The following HNF4A variants were observed in gnomAD, a reference collection of about 807,000 sequenced individuals.
The protein encoded by HNF4A is hepatocyte nuclear factor 4-alpha.
HNF4A carries 15 observed loss-of-function variants against 52.4 expected under a neutral mutation model. The observed-to-expected ratio is 0.29, with a 90% confidence interval of 0.19 to 0.44. The LOEUF (loss-of-function observed/expected upper bound fraction) is 0.44, where lower values mean the gene tolerates loss of function less well. Among genes scored for constraint, HNF4A ranks in the 20% least tolerant of loss-of-function variants. HNF4A has a pLI of 1.00. For synonymous variants in HNF4A, 280 were observed against 264.4 expected (o/e 1.06, Z -0.57); for missense variants, 479 against 647.2 (o/e 0.74, Z 2.82).
Position 44,413,695 on chromosome 20 carries a change from C to G in HNF4A, c.387C>G (p.Ala129=). ...TCACCTCTCTGTGCCTCCTCACAGC[C>G]GTCCAGAATGAGCGGGACCGGATCA... is the stretch of plus-strand genomic sequence containing the variant. The change falls in exon 4 of 10, where the codon GCC becomes GCG. Residue 129 remains alanine (A), a splice_region_variant and synonymous_variant. Coordinates refer to ENST00000316099, the MANE Select transcript of HNF4A (RefSeq NM_000457.6). 6.2e-7 allele frequency: 1 copy of G among 1,612,934 alleles called. No individual in the cohort carries two copies. The highest frequency in any genetic ancestry group is 8.5e-7 in the Non-Finnish European group (1 of 1,179,246).
At chr20:44,403,938 T>A (rs1357014186) in intron 1 of HNF4A, among the ~76,000 whole-genome samples, 1 of 151,888 alleles carries the variant, frequency 6.6e-6, no homozygotes, top group Non-Finnish European at 1.5e-5. Context: ...GGGGGTCAGC[T>A]CTCCCCGGGG....
At chr20:44,357,600 T>G (rs1055334527) in intron 1 of HNF4A, among the ~76,000 whole-genome samples, 1 of 152,128 alleles carries the variant, frequency 6.6e-6, no homozygotes, top group Non-Finnish European at 1.5e-5. Context: ...CTCTGCACCT[T>G]GTAGGATGTC....
At chr20:44,390,256 G>T (rs2063285469) in intron 1 of HNF4A, among the ~76,000 whole-genome samples, 3 of 152,152 alleles carry the variant, frequency 2.0e-5, no homozygotes, top group Admixed American at 2.0e-4. Flanking sequence ...CTCTCCCTGT[G>T]AATATGGCTC....
At chr20:44,405,753 G>T (rs964013015) in intron 1 of HNF4A, among the ~76,000 whole-genome samples, 2 of 152,160 alleles carry the variant, frequency 1.3e-5, no homozygotes, top group African/African-American at 4.8e-5. Flanking sequence ...TTAGGAGGCC[G>T]GCTCCCACCC....
chr20:44,404,162 T>C (rs531582140), intron 1 of HNF4A, among the ~76,000 whole-genome samples: 1 of 152,272 alleles, frequency 6.6e-6, no homozygotes, highest in South Asian at 2.1e-4. Flanking sequence ...AGTTTTTATT[T>C]CATGAACACT....
chr20:44,413,663 T>C (rs2063617899), intron 3 of HNF4A, 31 bp from the exon 4 acceptor site: 10 of 1,540,366 alleles, frequency 6.5e-6, no homozygotes, highest in Non-Finnish European at 8.1e-6. Flanking sequence ...ATCCCTGTTC[T>C]CCCTCCTCAC....
chr20:44,404,981 A>T (rs993246636), intron 1 of HNF4A, among the ~76,000 whole-genome samples: 2 of 8,996 alleles, frequency 2.2e-4, no homozygotes, highest in Admixed American at 9.7e-4. Flanking sequence ...GTGGTGTGTA[A>T]GGTGTGTGTG....
At chr20:44,412,610 G>T (rs1033248345) in intron 3 of HNF4A, among the ~76,000 whole-genome samples, 1 of 152,094 alleles carries the variant, frequency 6.6e-6, no homozygotes, top group Non-Finnish European at 1.5e-5. Flanking sequence ...GACTTGAACG[G>T]ATCCCTCTGT....
chr20:44,373,317 C>T lies in HNF4A; in HGVS notation c.49+17464C>T, dbSNP rs372420416. Among the ~76,000 whole-genome samples, 8 of 151,968 alleles carry T rather than the reference C, an allele frequency of 5.3e-5. No homozygotes were observed. In the East Asian group the frequency reaches 7.8e-4, roughly 15 times the overall value. ...GACACACACCACCATGCCTGTCTAA[C>T]GTTTACTTTTTAATTTTTTTAAGTT... On this transcript the variant is annotated intron_variant, in intron 1 of 9. Coordinates refer to the HNF4A transcript ENST00000316673.
At chr20:44,387,501 G>A (rs1248377771) in intron 1 of HNF4A, among the ~76,000 whole-genome samples, 4 of 151,226 alleles carry the variant, frequency 2.6e-5, no homozygotes, top group African/African-American at 9.7e-5. Flanking sequence ...AGTTGTATGA[G>A]TTTTGTTATA....
In HNF4A at chr20:44,418,466, C is replaced by A. The variant is rs759084238; in HGVS notation, c.690C>A (p.Leu230=). ...CCCATGCTGGCGAGCACCTGCTGCT[C>A]GGAGCCACCAAGAGATCCATGGTGT... The change falls in exon 6 of 10, where the codon CTC becomes CTA. Residue 230 remains leucine (L), a synonymous_variant. Transcript: ENST00000316099. 2.5e-6 allele frequency: 4 copies of A among 1,613,684 alleles called. No homozygotes were observed. Among genetic ancestry groups the A allele is most frequent in the Admixed American group, 1.7e-5 (1 of 60,008 alleles).
intron 4 of HNF4A, among the ~76,000 whole-genome samples, 179 bp downstream of exon 4, chr20:44,413,979 C>T (rs567375275): frequency 2.0e-5 from 3 of 152,296 alleles, no homozygotes; most frequent in East Asian, 3.9e-4. Context: ...GGGCAGGAAT[C>T]GAACCTGGCG....
chr20:44,358,219 G>T (rs567232269), intron 1 of HNF4A, among the ~76,000 whole-genome samples: 2 of 147,492 alleles, frequency 1.4e-5, no homozygotes, highest in East Asian at 4.0e-4. Context: ...TCTGTAAAAT[G>T]AGCTACTGAA....
At chr20:44,407,534 G>C (rs563885374) in intron 3 of HNF4A, 59 bp downstream of exon 3, 9 of 1,132,626 alleles carry the variant, frequency 7.9e-6, no homozygotes, top group South Asian at 7.9e-5. Flanking sequence ...ACAGCTCCCC[G>C]ACAGTCATTT....
At chr20:44,355,923 C>G (rs1248612515) in intron 1 of HNF4A, 70 bp downstream of exon 1, 33 of 1,351,128 alleles carry the variant, frequency 2.4e-5, no homozygotes, top group Non-Finnish European at 3.3e-5. Flanking sequence ...TGGGACACCT[C>G]CCCGTGTGTT....
chr20:44,355,999 T>G, intron 1 of HNF4A, 146 bp downstream of exon 1: 1 of 701,266 alleles, frequency 1.4e-6, no homozygotes. Context: ...GGAGGCAATG[T>G]GACCGCTTCC....
upstream of HNF4A, among the ~76,000 whole-genome samples, chr20:44,399,814 A>T (rs1168709838): frequency 6.6e-6 from 1 of 152,034 alleles, no homozygotes; most frequent in Non-Finnish European, 1.5e-5. Flanking sequence ...TCACCCACTC[A>T]TCAATTCCCC....
chr20:44,422,240 C>T (rs2063756384), intron 7 of HNF4A, among the ~76,000 whole-genome samples: 1 of 152,150 alleles, frequency 6.6e-6, no homozygotes, highest in Non-Finnish European at 1.5e-5. Context: ...CAGCCTGGCC[C>T]AGCCTGTATC....
rs146307320 is a variant in HNF4A, at chr20:44,414,524, C to G, written c.510C>G (p.Ser170=). The change falls in exon 5 of 10, where the codon TCC becomes TCG. Residue 170 remains serine, a synonymous_variant. Transcript: ENST00000316099. Reference sequence around the variant, plus strand: ...TCTCGAAGATCACCTCCCCCGTCTCCGGGATCAACGGCGACATTCGGGCGA... The same window carrying G: ...TCTCGAAGATCACCTCCCCCGTCTCGGGGATCAACGGCGACATTCGGGCGA... 1.2e-6 allele frequency: 2 copies of G among 1,614,228 alleles called. No individual in the cohort carries two copies. Among genetic ancestry groups the G allele is most frequent in the East Asian group, 2.2e-5 (1 of 44,882 alleles).
Sources: gnomAD v4.1 joint callset for allele counts (sites outside exome capture counted in the v4.1 genomes callset) on GRCh38, gnomAD v4.1.1 for gene constraint, MANE v1.5 for transcripts, NCBI Gene and HGNC (gene_info 2026-07-23, HGNC 2026-07-21) for gene names.